VAC14: variants seen among roughly 807,000 people sequenced by gnomAD.
The protein encoded by VAC14 is VAC14 component of PIKFYVE complex, also known as protein VAC14 homolog.
A neutral mutation model predicts 85.3 loss-of-function variants in VAC14; 47 were observed. The ratio of observed to expected loss-of-function variants is 0.55; its 90% CI spans 0.44 to 0.70. The LOEUF is 0.70. Ranked by LOEUF, VAC14 falls within the 30% of genes least tolerant of loss-of-function variation. The pLI, the probability that VAC14 is intolerant of heterozygous loss-of-function variation, is 0.00. For missense variants in VAC14, 861 were observed against 1,004.3 expected (o/e 0.86, Z 1.93); for synonymous variants, 447 against 430.5 (o/e 1.04, Z -0.47).
In VAC14 at chr16:70,800,894, GGT is replaced by G. The variant is rs780615323; in HGVS notation, c.5_6del (p.Asn2ThrfsTer11). The G allele has an allele frequency of 6.3e-7, 1 of 1,588,384 alleles. No individual in the cohort carries two copies. Among genetic ancestry groups the G allele is most frequent in the Admixed American group, 1.7e-5 (1 of 58,112 alleles). On this transcript the variant is annotated frameshift_variant, in exon 1 of 19. Transcript: ENST00000261776. LOFTEE classifies it high-confidence loss of function. M[N>X]PEKDFAPLTP... Reference sequence around the variant, plus strand: ...GTGAGCGGCGCGAAATCCTTCTCGGGGTTCATGGTGGCAGCTGGGGGAACCTC... The same window carrying G: ...GTGAGCGGCGCGAAATCCTTCTCGGGTCATGGTGGCAGCTGGGGGAACCTC...
chr16:70,783,709 G>A (rs1215970246), intron 5 of VAC14, among the ~76,000 whole-genome samples, 155 bp from the exon 6 acceptor site: 1 of 152,214 alleles, frequency 6.6e-6, no homozygotes, highest in African/African-American at 2.4e-5. Context: ...TGCTGGCAAG[G>A]ACAGTCAGCA....
chr16:70,765,067 C>G (rs1400552052), intron 10 of VAC14, among the ~76,000 whole-genome samples: 2 of 152,168 alleles, frequency 1.3e-5, no homozygotes, highest in Non-Finnish European at 2.9e-5. Flanking sequence ...AGGCCTTATG[C>G]AAAGCAGGTG....
In VAC14 at chr16:70,762,676, C is replaced by G; in HGVS notation, c.1306-71G>C. 6.4e-7 allele frequency: 1 copy of G among 1,558,646 alleles called. No individual in the cohort carries two copies. Among genetic ancestry groups the G allele is most frequent in the Non-Finnish European group, 8.8e-7 (1 of 1,136,294 alleles). On this transcript the variant is annotated intron_variant, in intron 11 of 18. Coordinates refer to ENST00000261776, the MANE Select transcript of VAC14 (RefSeq NM_018052.5). The surrounding 1 kb of genome is among the most constrained non-coding windows in gnomAD (Gnocchi z 4.1). ...CCGGGACTACGTGCAGTGCAGTGTC[C>G]CGCTGGTGTGCACGGACCCACTGGT... is the stretch of plus-strand genomic sequence containing the variant.
chr16:70,718,064 G>A (rs893233996), intron 14 of VAC14, among the ~76,000 whole-genome samples: 1 of 152,246 alleles, frequency 6.6e-6, no homozygotes, highest in Non-Finnish European at 1.5e-5. Flanking sequence ...GCCCGAGGGA[G>A]CAGTTGGGCC....
rs2142991040 is a variant in VAC14 at position 70,695,555 on chromosome 16, G to A, written c.2024C>T (p.Pro675Leu). The A allele has an allele frequency of 1.2e-6, 2 of 1,613,932 alleles. No homozygotes were observed. Among genetic ancestry groups the A allele is most frequent in the Non-Finnish European group, 1.7e-6 (2 of 1,179,930 alleles). Residue 675 changes from proline (P) to leucine (L), a missense_variant, in exon 17 of 19, where the codon CCC (proline) becomes CTC (leucine). Transcript: ENST00000261776. The part of the protein sequence containing the change: ...VDKLVQLIEC[P>L]IFTYLRLQLL... ...GAGGTGGTTCTTACATGTGAAGATG[G>A]GGCACTCAATCAGCTGCACCAGCTT... is the stretch of plus-strand genomic sequence containing the variant.
intron 9 of VAC14, among the ~76,000 whole-genome samples, chr16:70,777,634 G>A (rs1385922496): frequency 6.6e-6 from 1 of 152,222 alleles, no homozygotes; most frequent in Non-Finnish European, 1.5e-5. Context: ...AGCAAGTGAA[G>A]AGGCACAGAT....
intron 10 of VAC14, among the ~76,000 whole-genome samples, chr16:70,764,361 C>T (rs1431427313): frequency 1.3e-5 from 2 of 152,306 alleles, no homozygotes; most frequent in East Asian, 3.9e-4. Flanking sequence ...TGTGATATCC[C>T]TAGTGGTCAC....
intron 14 of VAC14, among the ~76,000 whole-genome samples, chr16:70,718,530 C>T (rs1309833086): frequency 1.3e-5 from 2 of 151,038 alleles, no homozygotes; most frequent in Middle Eastern, 3.4e-3. Context: ...GACAAGATTG[C>T]GCCACTGCAC....
chr16:70,800,922 G>T lies in VAC14; in HGVS notation c.-22C>A, dbSNP rs774338514. The T allele has an allele frequency of 1.3e-6, 2 of 1,555,748 alleles. No individual in the cohort carries two copies. The highest frequency in any genetic ancestry group is 2.3e-5 in the South Asian group (2 of 86,948). On this transcript the variant is annotated 5_prime_UTR_variant, in exon 1 of 19. Coordinates refer to ENST00000261776, the MANE Select transcript of VAC14 (RefSeq NM_018052.5). ...TCATGGTGGCAGCTGGGGGAACCTC[G>T]CGACTCCTTAGCCCGCGGCTGCCGG...
intron 14 of VAC14, among the ~76,000 whole-genome samples, chr16:70,705,063 C>T (rs2053896224): frequency 6.6e-6 from 1 of 152,228 alleles, no homozygotes; most frequent in Non-Finnish European, 1.5e-5. Context: ...GATACTTGTG[C>T]CGGCTCCCTT....
At chr16:70,732,212 C>G (rs114797778) in intron 13 of VAC14, among the ~76,000 whole-genome samples, 2,901 of 152,320 alleles carry the variant, frequency 0.019, 72 homozygotes, top group African/African-American at 0.055. Flanking sequence ...CGATTACGGA[C>G]AGCAGACACC....
chr16:70,729,222 G>C (rs1262959540), intron 14 of VAC14, among the ~76,000 whole-genome samples: 1 of 152,208 alleles, frequency 6.6e-6, no homozygotes. Context: ...CTGCCATCCC[G>C]AAGAGCTATC....
intron 18 of VAC14, chr16:70,691,346 C>T (rs2053591738): frequency 2.0e-6 from 2 of 985,350 alleles, no homozygotes; most frequent in African/African-American, 3.5e-5. Context: ...CCTGCCTCCT[C>T]CCTGCTTCCG....
chr16:70,696,666 G>A (rs944963500), intron 16 of VAC14, among the ~76,000 whole-genome samples: 2 of 152,166 alleles, frequency 1.3e-5, no homozygotes, highest in African/African-American at 4.8e-5. Flanking sequence ...GCCCCCGAAG[G>A]CCCACGCCTG....
At position 70,753,809 on chromosome 16, in the gene VAC14, T is replaced by C. The variant is rs565875999; in HGVS notation, c.1371+8731A>G. ...CTGTGTGGCTTGAGCCGGGGCTGGA[T>C]AGTGTGCTCAGTCCTGCAGGCAACT... On this transcript the variant is annotated intron_variant, in intron 12 of 18. Transcript: ENST00000261776. Among the ~76,000 whole-genome samples, 4 of 152,278 alleles carry C rather than the reference T, an allele frequency of 2.6e-5. No individual in the cohort carries two copies. The East Asian group carries it at 5.8e-4, about 22-fold the overall frequency.
At chr16:70,718,924 C>T (rs1480447628) in intron 14 of VAC14, among the ~76,000 whole-genome samples, 3 of 152,206 alleles carry the variant, frequency 2.0e-5, no homozygotes, top group African/African-American at 7.2e-5. Context: ...CTTGCTGACC[C>T]TGGTCTTGGT....
chr16:70,783,024 A>C lies in VAC14; in HGVS notation c.811+9T>G. ...CAGCCGTGGCTGTGGGCCCTCCCCC[A>C]ATACTCACCTGTTGTCTGGCAGTGG... On this transcript the variant is annotated intron_variant, in intron 7 of 18. Transcript: ENST00000261776. 1 of 1,613,394 alleles carries C rather than the reference A, an allele frequency of 6.2e-7. No homozygotes were observed. Among genetic ancestry groups the C allele is most frequent in the Non-Finnish European group, 8.5e-7 (1 of 1,179,546 alleles).
At chr16:70,688,363 C>T (rs940151849) in intron 18 of VAC14, 12 of 1,119,044 alleles carry the variant, frequency 1.1e-5, no homozygotes, top group East Asian at 9.5e-5. Flanking sequence ...GAGCAGGCAT[C>T]GCATTGGGAA....
At chr16:70,688,364 G>T in intron 18 of VAC14, 9 of 1,108,302 alleles carry the variant, frequency 8.1e-6, no homozygotes, top group Non-Finnish European at 9.9e-6. Flanking sequence ...AGCAGGCATC[G>T]CATTGGGAAG....
Sources: gnomAD v4.1 joint callset for allele counts (sites outside exome capture counted in the v4.1 genomes callset) on GRCh38, gnomAD v4.1.1 for gene constraint, Gnocchi (gnomAD v3.1) non-coding constraint, MANE v1.5 for transcripts, NCBI Gene and HGNC (gene_info 2026-07-23, HGNC 2026-07-21) for gene names.